Variants in FGF1 observed in about 807,000 individuals in gnomAD.
FGF1 encodes fibroblast growth factor 1.
Under a neutral mutation model 13.4 loss-of-function variants are expected in FGF1, and 9 were observed. That is an observed-to-expected ratio of 0.67 (90% CI 0.40 to 1.17). The LOEUF is 1.17. Ranked by LOEUF, FGF1 falls within the 50% of genes most tolerant of loss-of-function variation. The pLI is 0.01. For missense variants in FGF1, 156 were observed against 192.7 expected (o/e 0.81, Z 1.13); for synonymous variants, 93 against 79.0 (o/e 1.18, Z -0.94).
chr5:142,592,489 C>T lies in FGF1; in HGVS notation c.*2801G>A. ...ACCTACCTCCACCACCATCACATTG[C>T]AAACGACCAAAAGCACATATGTTCA... On this transcript the variant is annotated 3_prime_UTR_variant, in exon 4 of 4. Coordinates refer to ENST00000337706, the MANE Select transcript of FGF1 (RefSeq NM_000800.5). 1 of 398,474 alleles carries T rather than the reference C, an allele frequency of 2.5e-6. No individual in the cohort carries two copies. Among genetic ancestry groups the T allele is most frequent in the Non-Finnish European group, 4.4e-6 (1 of 225,938 alleles). The allele number at this position is 398,474 out of a possible 1,614,324, so 24.7% of individuals were successfully genotyped here. A position where few individuals can be genotyped will look rare whatever the true frequency, so the allele number is the denominator to read the frequency against.
intron 1 of FGF1, among the ~76,000 whole-genome samples, chr5:142,645,514 A>T (rs1269024128): frequency 6.6e-6 from 1 of 152,190 alleles, no homozygotes; most frequent in Non-Finnish European, 1.5e-5. Flanking sequence ...TGTGACTCCA[A>T]GCAAGCCCTC....
intron 1 of FGF1, among the ~76,000 whole-genome samples, chr5:142,628,835 C>T (rs1221015094): frequency 1.3e-5 from 2 of 152,140 alleles, no homozygotes; most frequent in Non-Finnish European, 1.5e-5. Flanking sequence ...TAAGGAGGAA[C>T]GTCAGAGTGA....
chr5:142,663,791 G>T (rs950578675), intron 1 of FGF1, among the ~76,000 whole-genome samples: 5 of 152,160 alleles, frequency 3.3e-5, no homozygotes, highest in Non-Finnish European at 7.3e-5. Context: ...GATTTGATGT[G>T]AACAGAGCTA....
chr5:142,661,627 A>C (rs2152000345), intron 1 of FGF1, among the ~76,000 whole-genome samples: 1 of 152,334 alleles, frequency 6.6e-6, no homozygotes, highest in Non-Finnish European at 1.5e-5. Context: ...CAAAACATTC[A>C]ACCATAAAAA....
chr5:142,628,433 C>T (rs1762812505), intron 1 of FGF1, among the ~76,000 whole-genome samples: 1 of 152,158 alleles, frequency 6.6e-6, no homozygotes, highest in Admixed American at 6.5e-5. Flanking sequence ...TCACTTGAAC[C>T]CAGGAGGCAG....
At chr5:142,664,812 G>C (rs1769989088) in intron 1 of FGF1, among the ~76,000 whole-genome samples, 1 of 152,192 alleles carries the variant, frequency 6.6e-6, no homozygotes, top group Non-Finnish European at 1.5e-5. Flanking sequence ...TGACTCCGCT[G>C]CTAACAGCAG....
At chr5:142,651,918 G>T (rs924584916) in intron 1 of FGF1, among the ~76,000 whole-genome samples, 8 of 151,860 alleles carry the variant, frequency 5.3e-5, no homozygotes, top group African/African-American at 1.7e-4. Context: ...TAGTACAGGG[G>T]TAATAGGTGG....
intron 1 of FGF1, among the ~76,000 whole-genome samples, chr5:142,670,196 G>A (rs1771187743): frequency 6.6e-6 from 1 of 152,072 alleles, no homozygotes; most frequent in Non-Finnish European, 1.5e-5. Flanking sequence ...GAAGGCCAAA[G>A]TCCTTGGCCA....
intron 2 of FGF1, among the ~76,000 whole-genome samples, chr5:142,601,533 G>A (rs1756568663): frequency 6.6e-6 from 1 of 151,914 alleles, no homozygotes; most frequent in South Asian, 2.1e-4. Flanking sequence ...GCAGTGATGA[G>A]AACAGTGGTT....
At chr5:142,692,863 A>G (rs189553320) in intron 2 of FGF1, among the ~76,000 whole-genome samples, 3 of 146,016 alleles carry the variant, frequency 2.1e-5, no homozygotes, top group African/African-American at 7.4e-5. Context: ...AACAAACCCA[A>G]TCTGGATCCC....
chr5:142,652,765 C>T (rs1767479278), intron 1 of FGF1, among the ~76,000 whole-genome samples: 1 of 152,256 alleles, frequency 6.6e-6, no homozygotes, highest in Non-Finnish European at 1.5e-5. Context: ...GCGGTGGCCG[C>T]AGCCCTTCCT....
At chr5:142,688,139 A>G (rs1391948895), upstream of FGF1, among the ~76,000 whole-genome samples, 2 of 152,204 alleles carry the variant, frequency 1.3e-5, no homozygotes, top group African/African-American at 2.4e-5. Context: ...TATAATCCCT[A>G]GCTACTGACA....
At chr5:142,620,513 T>A (rs919787608) in intron 1 of FGF1, among the ~76,000 whole-genome samples, 1 of 152,146 alleles carries the variant, frequency 6.6e-6, no homozygotes, top group Non-Finnish European at 1.5e-5. Flanking sequence ...GATTGCCACA[T>A]AATAAGTGGA....
chr5:142,674,622 A>G (rs1419832086), intron 1 of FGF1, among the ~76,000 whole-genome samples: 1 of 152,180 alleles, frequency 6.6e-6, no homozygotes, highest in Non-Finnish European at 1.5e-5. Context: ...GCCAGGAAGC[A>G]ATGGGATCTT....
chr5:142,604,375 A>G (rs1454032764), intron 2 of FGF1, among the ~76,000 whole-genome samples: 2 of 152,196 alleles, frequency 1.3e-5, no homozygotes, highest in East Asian at 3.9e-4. Flanking sequence ...TATGTTTAAG[A>G]GAGATCAAAG....
rs553791826 is a variant in FGF1 at position 142,595,807 on chromosome 5, T to C, written c.274-323A>G. On this transcript the variant is annotated intron_variant, in intron 3 of 3. Transcript: ENST00000337706. ...TCCTCAGGACTCTAGAATCTCCCAC[T>C]GGGGACATTCTGCTCGACTGTAAGT... Among the ~76,000 whole-genome samples the C allele has an allele frequency of 1.3e-4, 20 of 152,336 alleles. No homozygotes were observed. The South Asian group carries it at 4.1e-3, about 32-fold the overall frequency.
chr5:142,607,298 C>G (rs1428827545), intron 2 of FGF1, among the ~76,000 whole-genome samples: 1 of 152,146 alleles, frequency 6.6e-6, no homozygotes, highest in African/African-American at 2.4e-5. Flanking sequence ...TACCCCCCGA[C>G]CAGGTTAGCG....
intron 2 of FGF1, among the ~76,000 whole-genome samples, chr5:142,692,922 G>C (rs1301682851): frequency 6.6e-6 from 1 of 152,146 alleles, no homozygotes; most frequent in African/African-American, 2.4e-5. Context: ...AGTGTAAAGA[G>C]ACAAGCCTTA....
chr5:142,690,959 C>G (rs2921495), upstream of FGF1, among the ~76,000 whole-genome samples: 32 of 152,330 alleles, frequency 2.1e-4, no homozygotes, highest in Non-Finnish European at 3.7e-4. Flanking sequence ...TTTTCTGCCT[C>G]TAGGTTATTT....
Sources: allele counts gnomAD v4.1 joint callset (sites outside exome capture counted in the v4.1 genomes callset), GRCh38; gene constraint gnomAD v4.1.1; transcripts MANE v1.5; gene names NCBI Gene and HGNC (gene_info 2026-07-23, HGNC 2026-07-21).